OPCML: variants seen among roughly 807,000 people sequenced by gnomAD.
The protein encoded by OPCML is opioid-binding protein/cell adhesion molecule.
In OPCML, 13 loss-of-function variants were observed where a neutral mutation model predicts 37.8. That is an observed-to-expected ratio of 0.34 (90% CI 0.22 to 0.55). The LOEUF (loss-of-function observed/expected upper bound fraction) is 0.55. Among genes scored for constraint, OPCML ranks in the 20% least tolerant of loss-of-function variants. OPCML has a pLI of 0.91. For synonymous variants in OPCML, 176 were observed against 168.8 expected (o/e 1.04, Z -0.33); for missense variants, 341 against 435.6 (o/e 0.78, Z 1.93).
intron 2 of OPCML, among the ~76,000 whole-genome samples, chr11:132,745,629 G>C (rs1945602284): frequency 6.6e-6 from 1 of 150,600 alleles, no homozygotes; most frequent in African/African-American, 2.4e-5. Flanking sequence ...ATGGTCTTAA[G>C]CTTTCTCTCT....
intron 4 of OPCML, among the ~76,000 whole-genome samples, chr11:132,490,123 C>T (rs1401443653): frequency 6.6e-6 from 1 of 151,814 alleles, no homozygotes; most frequent in Non-Finnish European, 1.5e-5. Context: ...CAAGTCTTTG[C>T]TATTGTGAAC....
chr11:132,694,399 A>G (rs1943527840), intron 2 of OPCML, among the ~76,000 whole-genome samples: 1 of 151,626 alleles, frequency 6.6e-6, no homozygotes, highest in Non-Finnish European at 1.5e-5. Context: ...AGGTTTCACC[A>G]TGTTGGCCAG....
At chr11:132,496,562 T>C (rs1056326943) in intron 4 of OPCML, among the ~76,000 whole-genome samples, 1 of 152,232 alleles carries the variant, frequency 6.6e-6, no homozygotes, top group African/African-American at 2.4e-5. Flanking sequence ...TGGTCAGTCA[T>C]GCATGCCCAC....
At chr11:132,981,864 C>T (rs541178155) in intron 1 of OPCML, among the ~76,000 whole-genome samples, 2 of 152,242 alleles carry the variant, frequency 1.3e-5, no homozygotes, top group East Asian at 1.9e-4. Context: ...CTGTGTTAGG[C>T]GTTTCACATT....
chr11:133,134,171 A>G (rs1187906668), intron 1 of OPCML, among the ~76,000 whole-genome samples: 1 of 152,116 alleles, frequency 6.6e-6, no homozygotes, highest in Non-Finnish European at 1.5e-5. Flanking sequence ...ATATCCCATT[A>G]TCAGCCTTGT....
intron 2 of OPCML, among the ~76,000 whole-genome samples, chr11:132,906,998 C>T (rs760657546): frequency 1.3e-5 from 2 of 152,192 alleles, no homozygotes; most frequent in Non-Finnish European, 2.9e-5. Flanking sequence ...AATATGCTGG[C>T]TTCCTGGATC....
intron 3 of OPCML, among the ~76,000 whole-genome samples, chr11:132,605,011 C>G (rs1938186493): frequency 6.6e-6 from 1 of 152,076 alleles, no homozygotes; most frequent in African/African-American, 2.4e-5. Flanking sequence ...CTGGCCCTGA[C>G]ATGCAGAGGG....
At chr11:132,747,260 G>A (rs1945663871) in intron 2 of OPCML, among the ~76,000 whole-genome samples, 1 of 152,106 alleles carries the variant, frequency 6.6e-6, no homozygotes, top group African/African-American at 2.4e-5. Flanking sequence ...GGTTTTCAGA[G>A]GCAGAAAAGC....
chr11:132,741,818 G>A (rs532557428), intron 2 of OPCML, among the ~76,000 whole-genome samples: 131 of 152,080 alleles, frequency 8.6e-4, no homozygotes, highest in Non-Finnish European at 1.5e-3. Context: ...CCTGAGCTCC[G>A]GAGTTTGAGA....
chr11:132,681,782 C>T (rs563077044), intron 2 of OPCML, among the ~76,000 whole-genome samples: 29 of 152,090 alleles, frequency 1.9e-4, no homozygotes, highest in African/African-American at 6.8e-4. Flanking sequence ...GGTGAAACCC[C>T]GTCTCTACTA....
At chr11:132,957,001 C>T (rs922850148) in intron 1 of OPCML, among the ~76,000 whole-genome samples, 6 of 152,178 alleles carry the variant, frequency 3.9e-5, no homozygotes, top group African/African-American at 1.4e-4. Flanking sequence ...TGTGCTGCCT[C>T]ATGCCTCTAG....
At chr11:132,923,677 A>G (rs1944887763) in intron 2 of OPCML, among the ~76,000 whole-genome samples, 1 of 152,082 alleles carries the variant, frequency 6.6e-6, no homozygotes, top group African/African-American at 2.4e-5. Context: ...GATAGGGCTA[A>G]CAATAGATTC....
At chr11:132,998,539 G>A in intron 1 of OPCML, among the ~76,000 whole-genome samples, 1 of 152,006 alleles carries the variant, frequency 6.6e-6, no homozygotes, top group African/African-American at 2.4e-5. Context: ...AACCAAAAAG[G>A]GGAAAAAACA....
intron 2 of OPCML, among the ~76,000 whole-genome samples, chr11:132,928,840 G>A (rs1327844834): frequency 1.3e-5 from 2 of 151,858 alleles, no homozygotes; most frequent in Admixed American, 1.3e-4. Flanking sequence ...CTACAAATAT[G>A]TGTGAATTAA....
intron 1 of OPCML, among the ~76,000 whole-genome samples, chr11:133,261,193 G>A (rs114324475): frequency 9.9e-5 from 15 of 152,272 alleles, no homozygotes; most frequent in African/African-American, 3.1e-4. Flanking sequence ...TTTGGGTGTG[G>A]GACCCAGGCC....
chr11:132,533,699 C>T (rs1352522633), intron 3 of OPCML, among the ~76,000 whole-genome samples: 4 of 152,142 alleles, frequency 2.6e-5, no homozygotes, highest in Non-Finnish European at 5.9e-5. Flanking sequence ...TGTACCTTTA[C>T]TTGTATATTT....
intron 7 of OPCML, 92 bp downstream of exon 7, chr11:132,435,994 A>G (rs2096011729): frequency 1.5e-6 from 2 of 1,355,846 alleles, no homozygotes; most frequent in African/African-American, 2.9e-5. Context: ...ATGGATGGAC[A>G]CAGGCCAAGC....
intron 2 of OPCML, among the ~76,000 whole-genome samples, chr11:132,908,314 G>A (rs943289456): frequency 1.3e-5 from 2 of 152,090 alleles, no homozygotes; most frequent in African/African-American, 2.4e-5. Context: ...ATGCACACAC[G>A]TGCACACATA....
chr11:133,366,403 G>A (rs1020345823), intron 1 of OPCML, among the ~76,000 whole-genome samples: 2 of 152,164 alleles, frequency 1.3e-5, no homozygotes, highest in African/African-American at 4.8e-5. Flanking sequence ...AGTATGGCCC[G>A]AACTAAAGCT....
Sources: allele counts gnomAD v4.1 joint callset (sites outside exome capture counted in the v4.1 genomes callset), GRCh38; gene constraint gnomAD v4.1.1; transcripts MANE v1.5; gene names NCBI Gene and HGNC (gene_info 2026-07-23, HGNC 2026-07-21).